The following ASPM variants were observed in gnomAD, a reference collection of about 807,000 sequenced individuals.
ASPM encodes the protein abnormal spindle-like microcephaly-associated protein.
ASPM carries 256 observed loss-of-function variants against 366.4 expected under a neutral mutation model. The observed-to-expected ratio is 0.70, with a 90% CI of 0.63 to 0.77. The LOEUF is 0.77. Ranked by LOEUF, ASPM falls within the 30% of genes least tolerant of loss-of-function variation. ASPM has a pLI of 0.00. For missense variants in ASPM, 4,146 were observed against 4,090.4 expected, an observed-to-expected ratio of 1.01 and a Z score of -0.37; for synonymous variants, 1,414 against 1,342.9, an observed-to-expected ratio of 1.05 and a Z score of -1.16.
At chr1:197,112,303 A>C (rs1657609449) in intron 17 of ASPM, among the ~76,000 whole-genome samples, 1 of 152,130 alleles carries the variant, frequency 6.6e-6, no homozygotes, top group Non-Finnish European at 1.5e-5. Flanking sequence ...GTGGGAGCTA[A>C]ATGATGAGAA....
intron 17 of ASPM, among the ~76,000 whole-genome samples, chr1:197,106,450 T>C (rs1448770619): frequency 6.6e-6 from 1 of 152,046 alleles, no homozygotes. Flanking sequence ...ATTCAGATAT[T>C]ATTTTTCTTT....
rs775768206 is a variant in ASPM at position 197,102,885 on chromosome 1, A to G, written c.6366T>C (p.Phe2122=). ...GATGCATTTTAAACATGGCTTTAAT[A>G]AAAGTGGCTGCCCTGTGCATGTGTT... ...HIQHMHRAAT[F]IKAMFKMHQS... The change falls in exon 18 of 28, where the codon TTT becomes TTC. Residue 2122 remains phenylalanine (F), a synonymous_variant. Coordinates refer to ENST00000367409, the MANE Select transcript of ASPM (RefSeq NM_018136.5). 3 of 1,612,646 alleles carry G rather than the reference A, an allele frequency of 1.9e-6. No homozygotes were observed. Among genetic ancestry groups the G allele is most frequent in the Non-Finnish European group, 2.5e-6 (3 of 1,179,240 alleles).
chr1:197,107,627 C>G (rs1413633668), intron 17 of ASPM, among the ~76,000 whole-genome samples: 2 of 151,834 alleles, frequency 1.3e-5, no homozygotes, highest in Non-Finnish European at 2.9e-5. Flanking sequence ...TTGGAATTAA[C>G]TGACAACGAC....
At position 197,142,550 on chromosome 1, in the gene ASPM, T is replaced by C. The variant is rs748359887; in HGVS notation, c.1702A>G (p.Thr568Ala). 16 of 1,613,892 alleles carry C rather than the reference T, an allele frequency of 9.9e-6. No homozygotes were observed. Among genetic ancestry groups the C allele is most frequent in the African/African-American group, 5.3e-5 (4 of 74,932 alleles). ...YKNEVTPSST[T>A]ASVARKRKSD... is the part of the protein sequence containing the mutation. ...TTTCTTTTCCGAGCAACTGAAGCTG[T>C]TGTCGAAGAGGGTGTTACCTCGTTT... The change falls in exon 3 of 28, where the codon ACA (threonine) becomes GCA (alanine). Residue 568 changes from threonine (T) to alanine (A), a missense_variant. Physicochemically the swap from Thr to Ala is moderately conservative, Grantham distance 58 (BLOSUM62 0). Coordinates refer to ENST00000367409, the MANE Select transcript of ASPM (RefSeq NM_018136.5).
At chr1:197,092,539 A>C (rs550129632) in intron 21 of ASPM, among the ~76,000 whole-genome samples, 13 of 152,104 alleles carry the variant, frequency 8.5e-5, no homozygotes, top group African/African-American at 1.9e-4. Context: ...GATGTTTAAT[A>C]AACAAAATAC....
At chr1:197,107,000 CAA>C (rs1435577217) in intron 17 of ASPM, among the ~76,000 whole-genome samples, 1 of 152,008 alleles carries the variant, frequency 6.6e-6, no homozygotes, top group African/African-American at 2.4e-5. Flanking sequence ...TTTCCTCATA[CAA>C]AAGAGTTTCT....
chr1:197,091,862 C>G, intron 22 of ASPM, 45 bp downstream of exon 22: 1 of 1,590,836 alleles, frequency 6.3e-7, no homozygotes, highest in Non-Finnish European at 8.6e-7. Context: ...AAATTTCTAA[C>G]AGAAAAATTA....
intron 22 of ASPM, 51 bp downstream of exon 22, chr1:197,091,856 T>G (rs770260284): frequency 4.4e-6 from 7 of 1,580,088 alleles, no homozygotes; most frequent in Middle Eastern, 4.6e-4. Context: ...TATCAAAAAT[T>G]TCTAACAGAA....
intron 26 of ASPM, among the ~76,000 whole-genome samples, chr1:197,087,625 A>T (rs1474529176): frequency 5.3e-5 from 8 of 152,168 alleles, no homozygotes; most frequent in African/African-American, 1.9e-4. Flanking sequence ...AAAGTCTTCT[A>T]CTTACCTCTC....
rs367946511 is a variant in ASPM at position 197,135,189 on chromosome 1, G to A, written c.2080C>T (p.Arg694Cys). The A allele has an allele frequency of 2.5e-5, 40 of 1,613,752 alleles. No homozygotes were observed. The highest frequency in any genetic ancestry group is 3.3e-5 in the Admixed American group (2 of 60,010). The change falls in exon 5 of 28, where the codon CGC becomes TGC. Residue 694 changes from arginine (R) to cysteine (C), a missense_variant. Physicochemically the swap from Arg to Cys is radical, Grantham distance 180. Transcript: ENST00000367409. ...CCCTGTTCCTGCTTTTCCTTCCAGC[G>A]TTCATCATAAAACATGTTTTTTGCA... The part of the protein sequence containing the change: ...FAAKNMFYDE[R>C]WKEKQEQGFT...
intron 20 of ASPM, 93 bp downstream of exon 20, chr1:197,093,991 G>T (rs574729332): frequency 5.0e-4 from 426 of 857,458 alleles, no homozygotes; most frequent in Non-Finnish European, 7.2e-4. Flanking sequence ...TCCAGCGAAG[G>T]ATTTATTTTT....
rs749150115 is a variant in ASPM, at chr1:197,101,726, G to T, written c.7525C>A (p.Leu2509Ile). The change falls in exon 18 of 28, where the codon CTA becomes ATA. Residue 2509 changes from leucine (L) to isoleucine (I), a missense_variant. By Grantham distance (5) the Leu-to-Ile change is conservative (BLOSUM62 2). Coordinates refer to ENST00000367409, the MANE Select transcript of ASPM (RefSeq NM_018136.5). ...TFQTWKHASI[L>I]IQQHYRTYRA... is the part of the protein sequence containing the mutation. ...TATGTTCGATAATGTTGCTGAATTA[G>T]AATTGAAGCATGTTTCCAAGTCTGA... The T allele has an allele frequency of 4.3e-6, 7 of 1,612,006 alleles. No individual in the cohort carries two copies. The highest frequency in any genetic ancestry group is 4.2e-6 in the Non-Finnish European group (5 of 1,179,004).
At chr1:197,122,095 A>G in intron 15 of ASPM, 52 bp from the exon 16 acceptor site, 1 of 1,600,262 alleles carries the variant, frequency 6.2e-7, no homozygotes, top group Non-Finnish European at 8.6e-7. Flanking sequence ...AGAATACAGT[A>G]CTTACTATCA....
At chr1:197,145,607 T>A (rs542859384) in intron 1 of ASPM, among the ~76,000 whole-genome samples, 87 of 152,178 alleles carry the variant, frequency 5.7e-4, no homozygotes, top group Non-Finnish European at 1.1e-3. Context: ...ATAGAAATTT[T>A]AAAAAAAGCT....
At chr1:197,128,340 C>A in intron 10 of ASPM, 150 bp downstream of exon 10, 2 of 594,180 alleles carry the variant, frequency 3.4e-6, no homozygotes, top group African/African-American at 2.1e-5. Flanking sequence ...GTACCACTTC[C>A]CTGAAAAAAA....
At chr1:197,129,432 A>T in intron 8 of ASPM, 115 bp from the exon 9 acceptor site, 1 of 1,169,148 alleles carries the variant, frequency 8.6e-7, no homozygotes, top group Admixed American at 2.2e-5. Flanking sequence ...TAGGGTAGCA[A>T]GCACAAATAA....
intron 4 of ASPM, among the ~76,000 whole-genome samples, chr1:197,137,027 A>T (rs1557962540): frequency 6.6e-6 from 1 of 152,176 alleles, no homozygotes. Context: ...TTACCTAAAA[A>T]GTCTATTCTC....
intron 13 of ASPM, 112 bp from the exon 14 acceptor site, chr1:197,122,707 C>T (rs1657953167): frequency 1.9e-6 from 2 of 1,061,696 alleles, no homozygotes; most frequent in Non-Finnish European, 2.8e-6. Context: ...GACAAATCTA[C>T]AAGGCAAGTA....
Position 197,084,301 on chromosome 1 carries a change from CA to C in ASPM, c.*22del, listed in dbSNP as rs1656517300. 6.6e-7 allele frequency: 1 copy of C among 1,521,632 alleles called. No homozygotes were observed. The highest frequency in any genetic ancestry group is 1.7e-5 in the Admixed American group (1 of 59,844). 94.3% of individuals were successfully genotyped at this position (1,521,632 alleles called of 1,614,324 possible). On this transcript the variant is annotated 3_prime_UTR_variant, in exon 28 of 28. Coordinates refer to ENST00000367409, the MANE Select transcript of ASPM (RefSeq NM_018136.5). ...GGCTTTAATATTTCTTTACACTATA[CA>C]TACTGAAAATGTTTACATTTACTAA...
Sources: gnomAD v4.1 joint callset for allele counts (sites outside exome capture counted in the v4.1 genomes callset) on GRCh38, gnomAD v4.1.1 for gene constraint, MANE v1.5 for transcripts, NCBI Gene and HGNC (gene_info 2026-07-23, HGNC 2026-07-21) for gene names.